BRD8: variants seen among roughly 807,000 people sequenced by gnomAD.
BRD8 encodes the protein bromodomain-containing protein 8.
BRD8 carries 67 observed loss-of-function variants against 143.1 expected under a neutral mutation model. The ratio of observed to expected loss-of-function variants is 0.47; its 90% CI spans 0.38 to 0.57. The LOEUF (loss-of-function observed/expected upper bound fraction) is 0.57, where lower values mean the gene tolerates loss of function less well. BRD8 is among the 20% of genes least tolerant of loss of function. The pLI, the probability that BRD8 is intolerant of heterozygous loss-of-function variation, is 0.00. For missense variants in BRD8, 1,103 were observed against 1,503.0 expected (o/e 0.73, Z 4.40); for synonymous variants, 505 against 517.1 (o/e 0.98, Z 0.32).
intron 18 of BRD8, 56 bp downstream of exon 18, chr5:138,160,834 TC>T (rs1158989673): frequency 1.1e-5 from 16 of 1,472,366 alleles, no homozygotes; most frequent in African/African-American, 1.4e-5. Context: ...ATATGAATCC[TC>T]CCCTTGAAGT....
At chr5:138,178,509 T>G (rs376401689) in intron 1 of BRD8, 87 bp downstream of exon 1, 271 of 1,252,436 alleles carry the variant, frequency 2.2e-4, no homozygotes, top group Non-Finnish European at 3.0e-4. Context: ...AACCCACTTC[T>G]CCCACTCCCT....
In BRD8 at chr5:138,169,336, G is replaced by T. The variant is rs139570980; in HGVS notation, c.528C>A (p.Pro176=). ...CCATCACAGTGGGTAACCTCCGGGG[G>T]GGTGTTTTTACTGCTTGACGAGCTA... The part of the protein sequence containing the change: ...AYQARQAVKT[P]PRRLPTVMVR... Residue 176 remains proline (P), a synonymous_variant, in exon 8 of 27, where the codon CCC becomes CCA. Transcript: ENST00000254900. The T allele has an allele frequency of 1.2e-6, 2 of 1,613,962 alleles. No individual in the cohort carries two copies. Among genetic ancestry groups the T allele is most frequent in the Admixed American group, 1.7e-5 (1 of 59,970 alleles).
At position 138,164,179 on chromosome 5, in the gene BRD8, T is replaced by C. The variant is rs1198492290; in HGVS notation, c.1826-46A>G. 1.9e-6 allele frequency: 3 copies of C among 1,601,044 alleles called. No individual in the cohort carries two copies. The Admixed American group carries it at 5.0e-5, about 27-fold the overall frequency. On this transcript the variant is annotated intron_variant, in intron 13 of 26. Transcript: ENST00000254900. ...ACCTGAAGATTTTTCCACCTTAGCC[T>C]TCCCCTTCCTATGGACCATAATCCC... is the stretch of plus-strand genomic sequence containing the variant.
chr5:138,166,746 C>A lies in BRD8; in HGVS notation c.788-19G>T, dbSNP rs1753454957. 2 of 1,473,424 alleles carry A rather than the reference C, an allele frequency of 1.4e-6. No individual in the cohort carries two copies. Among genetic ancestry groups the A allele is most frequent in the East Asian group, 2.3e-5 (1 of 44,132 alleles). 91.3% of individuals were successfully genotyped at this position (1,473,424 alleles called of 1,614,324 possible). A position where few individuals can be genotyped will look rare whatever the true frequency, so the allele number is the denominator to read the frequency against. ...GGAGCACCTAACATATAAAGAGGTACACAAAATGAAGTAAGAAGAAAGCAC... is the reference window on the plus strand; with the variant it reads ...GGAGCACCTAACATATAAAGAGGTAAACAAAATGAAGTAAGAAGAAAGCAC... On this transcript the variant is annotated intron_variant, in intron 9 of 26. Transcript: ENST00000254900.
chr5:138,159,119 C>G (rs1752812107), intron 20 of BRD8, among the ~76,000 whole-genome samples: 1 of 152,116 alleles, frequency 6.6e-6, no homozygotes, highest in Non-Finnish European at 1.5e-5. Context: ...TTAAATTTTA[C>G]TGTTTGTTAC....
At chr5:138,172,021 C>T (rs1318450854) in intron 3 of BRD8, 44 bp downstream of exon 3, 3 of 1,499,552 alleles carry the variant, frequency 2.0e-6, no homozygotes, top group African/African-American at 2.8e-5. Context: ...ACCTACTTTA[C>T]AACCCAAAGA....
chr5:138,156,022 A>G (rs1752577217), intron 20 of BRD8, among the ~76,000 whole-genome samples: 1 of 150,244 alleles, frequency 6.7e-6, no homozygotes, highest in Non-Finnish European at 1.5e-5. Flanking sequence ...CTACAGGTGC[A>G]CACCACCATG....
intron 21 of BRD8, among the ~76,000 whole-genome samples, 187 bp downstream of exon 21, chr5:138,152,295 A>G (rs372083321): frequency 7.9e-5 from 12 of 152,220 alleles, no homozygotes; most frequent in Non-Finnish European, 1.2e-4. Flanking sequence ...CGGCCCAAAA[A>G]GCATGTATTT....
rs201965716 is a variant in BRD8, at chr5:138,151,003, A to T, written c.2862T>A (p.Ala954=). ...QNLLHFLSEV[A]YLMEPLCISS... ...TGATGCACAAGGGCTCCATTAAATA[A>T]GCTACCTGCAATCAAAGTTTATTAT... Residue 954 remains alanine (A), a synonymous_variant, in exon 22 of 27, where the codon GCT becomes GCA. Transcript: ENST00000254900. The T allele has an allele frequency of 1.2e-6, 2 of 1,609,986 alleles. No individual in the cohort carries two copies. Among genetic ancestry groups the T allele is most frequent in the African/African-American group, 2.7e-5 (2 of 74,838 alleles).
chr5:138,172,060 C>T lies in BRD8; in HGVS notation c.186+5G>A. Reference sequence around the variant, plus strand: ...CTCTAAAAGAGCCCTTGCTTGGGAACTTACTTTTTGAGAGAACCAGTCTGG... The same window carrying T: ...CTCTAAAAGAGCCCTTGCTTGGGAATTTACTTTTTGAGAGAACCAGTCTGG... On this transcript the variant is annotated splice_donor_5th_base_variant and intron_variant, in intron 3 of 26. Transcript: ENST00000254900. 6.2e-7 allele frequency: 1 copy of T among 1,613,324 alleles called. No individual in the cohort carries two copies. The highest frequency in any genetic ancestry group is 8.5e-7 in the Non-Finnish European group (1 of 1,179,504).
intron 20 of BRD8, among the ~76,000 whole-genome samples, chr5:138,156,420 G>A (rs532279363): frequency 5.3e-5 from 8 of 152,232 alleles, no homozygotes; most frequent in Non-Finnish European, 7.4e-5. Flanking sequence ...TTACAGGCAT[G>A]AGCCACCACG....
Position 138,169,189 on chromosome 5 carries a change from C to T in BRD8, c.642+33G>A, listed in dbSNP as rs539027995. On this transcript the variant is annotated intron_variant, in intron 8 of 26. Coordinates refer to ENST00000254900, the MANE Select transcript of BRD8 (RefSeq NM_139199.2). ...GCTCTGCCGGCTTATTGCCCCTTCA[C>T]TGATCAATTCCCACAGATGGAAATA... 4 of 1,606,818 alleles carry T rather than the reference C, an allele frequency of 2.5e-6. No individual in the cohort carries two copies. The South Asian group carries it at 3.3e-5, about 13-fold the overall frequency.
At chr5:138,177,490 T>C (rs1561624988) in intron 2 of BRD8, 81 bp downstream of exon 2, 1 of 840,916 alleles carries the variant, frequency 1.2e-6, no homozygotes, top group Non-Finnish European at 2.0e-6. Context: ...CTTAATATGA[T>C]TAACTATAGA....
At chr5:138,153,073 A>T (rs1204773158) in intron 20 of BRD8, among the ~76,000 whole-genome samples, 1 of 152,236 alleles carries the variant, frequency 6.6e-6, no homozygotes, top group East Asian at 1.9e-4. Flanking sequence ...AAAGAAGGGA[A>T]AGAACTGGAG....
intron 20 of BRD8, among the ~76,000 whole-genome samples, chr5:138,158,268 G>T (rs1752735207): frequency 6.6e-6 from 1 of 152,094 alleles, no homozygotes. Context: ...AGACCATGTA[G>T]TTTTCTAGCC....
chr5:138,149,305 G>T (rs1367024954), intron 23 of BRD8, among the ~76,000 whole-genome samples: 1 of 151,636 alleles, frequency 6.6e-6, no homozygotes, highest in East Asian at 2.0e-4. Context: ...ATTTTGTAGA[G>T]GCATGGTCTC....
chr5:138,172,883 T>C (rs1384664853), intron 2 of BRD8: 3 of 277,346 alleles, frequency 1.1e-5, no homozygotes, highest in Non-Finnish European at 2.2e-5. Flanking sequence ...GAACAGCATA[T>C]ATAGTATATA....
intron 19 of BRD8, 106 bp from the exon 20 acceptor site, chr5:138,159,705 AT>A (rs2151195437): frequency 9.3e-7 from 1 of 1,078,462 alleles, no homozygotes; most frequent in East Asian, 2.5e-5. Context: ...CAAGGACAAA[AT>A]TTTAAAACTC....
rs1753245463 is a variant in BRD8 at position 138,164,557 on chromosome 5, A to G, written c.1732-144T>C. 3.4e-5 allele frequency: 38 copies of G among 1,118,500 alleles called. 1 individual carries two copies. The South Asian group carries it at 4.9e-4, about 14-fold the overall frequency. 69.3% of individuals were successfully genotyped at this position (1,118,500 alleles called of 1,614,324 possible). ...TGACTCCAATGGTCACCTTAACAGGAATAAGTATATATAACACTAATCACA... is the reference window on the plus strand; with the variant it reads ...TGACTCCAATGGTCACCTTAACAGGGATAAGTATATATAACACTAATCACA... On this transcript the variant is annotated intron_variant, in intron 12 of 26. Transcript: ENST00000254900.
Sources: allele counts gnomAD v4.1 joint callset (sites outside exome capture counted in the v4.1 genomes callset), GRCh38; gene constraint gnomAD v4.1.1; transcripts MANE v1.5; gene names NCBI Gene and HGNC (gene_info 2026-07-23, HGNC 2026-07-21).